Variants in ARHGEF9 observed in about 807,000 individuals in gnomAD.
ARHGEF9 encodes rho guanine nucleotide exchange factor 9.
In ARHGEF9, 2 loss-of-function variants were observed where a neutral mutation model predicts 41.3. The observed-to-expected ratio is 0.05, with a 90% CI of 0.02 to 0.15. The LOEUF (loss-of-function observed/expected upper bound fraction) is 0.15. ARHGEF9 is among the 10% of genes least tolerant of loss of function. The probability of loss-of-function intolerance (pLI) is 1.00; values close to 1 mark genes in which losing one functional copy is unlikely to be tolerated. For missense variants in ARHGEF9, 225 were observed against 424.7 expected (o/e 0.53, Z 4.13); for synonymous variants, 160 against 154.4 (o/e 1.04, Z -0.27).
chrX:63,672,554 T>C (rs1266326581), intron 6 of ARHGEF9, among the ~76,000 whole-genome samples: 9 of 111,005 alleles, frequency 8.1e-5, no homozygotes, highest in Non-Finnish European at 7.5e-5. Flanking sequence ...TTGGTGCTAC[T>C]GAAGCTCCCT....
At chrX:63,653,848 C>A (rs1393025920) in intron 8 of ARHGEF9, among the ~76,000 whole-genome samples, 2 of 110,426 alleles carry the variant, frequency 1.8e-5, no homozygotes, top group South Asian at 3.8e-4. Context: ...AACTATATGA[C>A]CCTCATAAAA....
intron 2 of ARHGEF9, chrX:63,719,673 C>T (rs1177560885): frequency 3.4e-6 from 1 of 295,936 alleles, no homozygotes; most frequent in African/African-American, 2.7e-5. Flanking sequence ...TATCCTCTTA[C>T]CATTCCCCAT....
At chrX:63,685,724 A>G (rs1260424713) in intron 4 of ARHGEF9, among the ~76,000 whole-genome samples, 11 of 111,960 alleles carry the variant, frequency 9.8e-5, no homozygotes, top group Non-Finnish European at 2.1e-4. Context: ...GGGAATCAGT[A>G]TTTTTTAACA....
intron 1 of ARHGEF9, among the ~76,000 whole-genome samples, chrX:63,776,331 G>T (rs1418073507): frequency 9.0e-6 from 1 of 110,965 alleles, no homozygotes; most frequent in Middle Eastern, 4.2e-3. Context: ...GGGCCATATG[G>T]TCTCTGTCAC....
chrX:63,655,379 G>T, intron 8 of ARHGEF9, 115 bp downstream of exon 8: 1 of 1,087,382 alleles, frequency 9.2e-7, no homozygotes, highest in South Asian at 1.9e-5. Flanking sequence ...CACCAAAGTA[G>T]CTTAAGTCAG....
chrX:63,768,190 AC>A (rs1556452786), intron 1 of ARHGEF9, among the ~76,000 whole-genome samples: 25 of 111,544 alleles, frequency 2.2e-4, no homozygotes, highest in Non-Finnish European at 4.3e-4. Flanking sequence ...GCCTTTGTGT[AC>A]CCATAGCTTG....
At chrX:63,724,909 G>C (rs781960506) in intron 1 of ARHGEF9, 198 bp from the exon 2 acceptor site, 1 of 451,550 alleles carries the variant, frequency 2.2e-6, no homozygotes, top group Non-Finnish European at 3.9e-6. Flanking sequence ...GTTAGCCAGT[G>C]CATGGAATGA....
intron 4 of ARHGEF9, among the ~76,000 whole-genome samples, chrX:63,680,945 C>G (rs2050587278): frequency 9.0e-6 from 1 of 111,417 alleles, no homozygotes; most frequent in Non-Finnish European, 1.9e-5. Flanking sequence ...CCTGGAGCCA[C>G]CCAGAGCTGC....
At chrX:63,696,050 C>A (rs1421986564) in intron 4 of ARHGEF9, among the ~76,000 whole-genome samples, 12 of 111,290 alleles carry the variant, frequency 1.1e-4, no homozygotes, top group Non-Finnish European at 1.9e-4. Flanking sequence ...TACTTCGAAT[C>A]ATTTTGCTAT....
chrX:63,641,389 A>G (rs1385513973), intron 9 of ARHGEF9: 2 of 110,395 alleles, frequency 1.8e-5, no homozygotes, highest in African/African-American at 3.3e-5. Context: ...AAAGACAGAA[A>G]CTAAATGAAT....
At position 63,635,360 on chromosome X, in the gene ARHGEF9, A is replaced by G. The variant is rs1486319584; in HGVS notation, c.*2668T>C. ...CAGGTCCCATTGAACACACTAGCAA[A>G]GCCTTTTGGAGAGCAAATCCTGGCC... is the stretch of plus-strand genomic sequence containing the variant. On this transcript the variant is annotated 3_prime_UTR_variant, in exon 10 of 10. Transcript: ENST00000671741. 8 of 519,568 alleles carry G rather than the reference A, an allele frequency of 1.5e-5. No individual in the cohort carries two copies. In the Admixed American group the frequency reaches 2.2e-4, roughly 14 times the overall value. The allele number at this position is 519,568 out of a possible 1,213,427, so 42.8% of individuals were successfully genotyped here.
chrX:63,783,444 C>T (rs2056413935), intron 1 of ARHGEF9, among the ~76,000 whole-genome samples: 1 of 110,703 alleles, frequency 9.0e-6, no homozygotes, highest in African/African-American at 3.3e-5. Context: ...TTAGTAGAGA[C>T]GGGGTTTCTC....
intron 6 of ARHGEF9, among the ~76,000 whole-genome samples, chrX:63,667,916 A>G (rs1556350730): frequency 9.0e-6 from 1 of 111,002 alleles, no homozygotes; most frequent in Admixed American, 9.5e-5. Context: ...AAGCTGAGAG[A>G]GGTTCCCACC....
chrX:63,739,062 T>C (rs1556425032), intron 1 of ARHGEF9, among the ~76,000 whole-genome samples: 2 of 111,911 alleles, frequency 1.8e-5, no homozygotes, highest in Non-Finnish European at 3.8e-5. Flanking sequence ...TTTTGGTTCT[T>C]GGATTATTTC....
intron 2 of ARHGEF9, among the ~76,000 whole-genome samples, chrX:63,720,095 ATTTCTGGAGGATG>A (rs1261748640): frequency 8.9e-6 from 1 of 111,752 alleles, no homozygotes; most frequent in African/African-American, 3.3e-5. Flanking sequence ...ATAGGCTTAT[ATTTCTGGAGGATG>A]TGTGATCTAC....
In ARHGEF9 at chrX:63,635,451, G is replaced by A. The variant is rs1556296215; in HGVS notation, c.*2577C>T. ...ATTACAACATTACAGAATTACTGGG[G>A]TTACCATTGCTGTCAGGACATAACA... On this transcript the variant is annotated 3_prime_UTR_variant, in exon 10 of 10. Transcript: ENST00000671741. 1.9e-6 allele frequency: 1 copy of A among 518,713 alleles called. No individual in the cohort carries two copies. The highest frequency in any genetic ancestry group is 3.5e-6 in the Non-Finnish European group (1 of 284,510). The allele number at this position is 518,713 out of a possible 1,213,427, so 42.7% of individuals were successfully genotyped here. A position where few individuals can be genotyped will look rare whatever the true frequency, so the allele number is the denominator to read the frequency against.
chrX:63,722,992 T>C (rs1351055092), intron 2 of ARHGEF9: 1 of 111,710 alleles, frequency 9.0e-6, no homozygotes, highest in Non-Finnish European at 1.9e-5. Context: ...TTCTAGGCAG[T>C]GCCCTCACCT....
intron 1 of ARHGEF9, among the ~76,000 whole-genome samples, chrX:63,753,095 C>G (rs1287370807): frequency 4.5e-5 from 5 of 112,210 alleles, no homozygotes; most frequent in African/African-American, 1.6e-4. Context: ...CTGGCTCTGC[C>G]AAGAGCTTTC....
At chrX:63,727,274 C>T (rs1444528338) in intron 1 of ARHGEF9, 1 of 111,972 alleles carries the variant, frequency 8.9e-6, no homozygotes, top group Non-Finnish European at 1.9e-5. Context: ...TACTTTTTTA[C>T]TTTGCAGTCT....
Sources: allele counts gnomAD v4.1 joint callset (sites outside exome capture counted in the v4.1 genomes callset), GRCh38; gene constraint gnomAD v4.1.1; transcripts MANE v1.5; gene names NCBI Gene and HGNC (gene_info 2026-07-23, HGNC 2026-07-21).